GPC6: variants seen among roughly 807,000 people sequenced by gnomAD.
The protein encoded by GPC6 is glypican-6.
GPC6 carries 14 observed loss-of-function variants against 55.2 expected under a neutral mutation model. The observed-to-expected ratio is 0.25, with a 90% confidence interval of 0.17 to 0.40. The LOEUF is 0.40. Ranked by LOEUF, GPC6 falls within the 10% of genes least tolerant of loss-of-function variation. GPC6 has a pLI of 1.00. For synonymous variants in GPC6, 278 were observed against 259.6 expected, an observed-to-expected ratio of 1.07 and a Z score of -0.68; for missense variants, 641 against 708.5, an observed-to-expected ratio of 0.90 and a Z score of 1.08.
chr13:93,819,371 G>C (rs888691273), intron 2 of GPC6, among the ~76,000 whole-genome samples: 2 of 152,056 alleles, frequency 1.3e-5, no homozygotes, highest in Non-Finnish European at 2.9e-5. Flanking sequence ...TTTGTGAACA[G>C]GTTAATATAT....
chr13:93,342,770 G>A (rs1273598517), intron 1 of GPC6, among the ~76,000 whole-genome samples: 1 of 152,214 alleles, frequency 6.6e-6, no homozygotes, highest in Non-Finnish European at 1.5e-5. Flanking sequence ...ATTGCAGCAG[G>A]AAGAGAGGAA....
intron 1 of GPC6, among the ~76,000 whole-genome samples, chr13:93,287,200 A>C (rs1000992583): frequency 4.6e-5 from 7 of 152,204 alleles, no homozygotes; most frequent in African/African-American, 1.7e-4. Context: ...ATTTCAGATA[A>C]GGGGTGTTCA....
At chr13:93,950,733 C>T (rs1394455119) in intron 3 of GPC6, among the ~76,000 whole-genome samples, 2 of 152,104 alleles carry the variant, frequency 1.3e-5, no homozygotes, top group Non-Finnish European at 2.9e-5. Flanking sequence ...TCATCTGTGA[C>T]CTTCTCTTGC....
intron 1 of GPC6, among the ~76,000 whole-genome samples, chr13:93,231,369 A>ATGTG (rs1876024004): frequency 2.8e-4 from 5 of 17,896 alleles, no homozygotes; most frequent in African/African-American, 1.2e-3. Flanking sequence ...ACGTATATAT[A>ATGTG]TATATATATA....
At chr13:93,518,393 T>C (rs1161095785) in intron 1 of GPC6, among the ~76,000 whole-genome samples, 1 of 152,000 alleles carries the variant, frequency 6.6e-6, no homozygotes, top group Admixed American at 6.6e-5. Context: ...TCTCCACTTT[T>C]CCAATCTGTT....
rs189130106 is a variant in GPC6 at position 93,910,915 on chromosome 13, C to T, written c.711+80370C>T. ...GTACTGTAGATCACAGTTCTCATAA[C>T]AGAGAGCAATATATCAATTACCAGC... On this transcript the variant is annotated intron_variant, in intron 3 of 8. Transcript: ENST00000377047. 4.4e-4 allele frequency among the ~76,000 whole-genome samples: 67 copies of T among 152,296 alleles called. 1 individual carries two copies. In the Middle Eastern group the frequency reaches 0.01, roughly 23 times the overall value.
At chr13:94,064,739 C>T (rs1435766351) in intron 4 of GPC6, among the ~76,000 whole-genome samples, 3 of 152,078 alleles carry the variant, frequency 2.0e-5, no homozygotes, top group Non-Finnish European at 2.9e-5. Context: ...TAAAATCACC[C>T]CTTTTCAGCA....
At chr13:94,309,204 G>A (rs1463874870) in intron 6 of GPC6, among the ~76,000 whole-genome samples, 1 of 152,088 alleles carries the variant, frequency 6.6e-6, no homozygotes, top group Non-Finnish European at 1.5e-5. Context: ...TTCCAAGGAC[G>A]ATATCAAAAC....
chr13:93,985,807 A>G (rs1047095661), intron 3 of GPC6, among the ~76,000 whole-genome samples: 3 of 151,870 alleles, frequency 2.0e-5, no homozygotes, highest in South Asian at 2.1e-4. Flanking sequence ...GCAGACAGCC[A>G]TGCCAGGCTA....
At chr13:93,794,500 C>T (rs984502575) in intron 2 of GPC6, among the ~76,000 whole-genome samples, 1 of 152,162 alleles carries the variant, frequency 6.6e-6, no homozygotes, top group Non-Finnish European at 1.5e-5. Context: ...AATACACAAG[C>T]ATCAGCGCTA....
chr13:93,981,578 G>T lies in GPC6; in HGVS notation c.712-46151G>T, dbSNP rs550195498. 2.0e-5 allele frequency among the ~76,000 whole-genome samples: 3 copies of T among 152,248 alleles called. No individual in the cohort carries two copies. In the South Asian group the frequency reaches 6.2e-4, roughly 32 times the overall value. ...ATCGCTCTTTGCATAATTTTCTGGT[G>T]CTGAAACATGAGAAAAATCTGGCTG... On this transcript the variant is annotated intron_variant, in intron 3 of 8. Coordinates refer to ENST00000377047, the MANE Select transcript of GPC6 (RefSeq NM_005708.5).
intron 4 of GPC6, among the ~76,000 whole-genome samples, chr13:94,204,844 A>G (rs1889854868): frequency 6.6e-6 from 1 of 152,216 alleles, no homozygotes; most frequent in African/African-American, 2.4e-5. Flanking sequence ...TTCAATGTGT[A>G]TATTCAATGA....
intron 2 of GPC6, among the ~76,000 whole-genome samples, chr13:93,729,929 A>G (rs527623253): frequency 8.3e-4 from 126 of 152,326 alleles, no homozygotes; most frequent in African/African-American, 2.9e-3. Context: ...ACACTGAAGC[A>G]TCCATGCTGT....
At chr13:94,034,970 G>A (rs1175553227) in intron 4 of GPC6, among the ~76,000 whole-genome samples, 1 of 150,974 alleles carries the variant, frequency 6.6e-6, no homozygotes. Context: ...TACGACTTAT[G>A]CCTTATCAAG....
intron 1 of GPC6, among the ~76,000 whole-genome samples, chr13:93,457,788 A>G (rs573041200): frequency 6.6e-6 from 1 of 152,338 alleles, no homozygotes; most frequent in South Asian, 2.1e-4. Context: ...CAGAGATACT[A>G]ATGAGAAGGA....
rs1050259047 is a variant in GPC6, at chr13:93,504,896, T to A, written c.161-40367T>A. Among the ~76,000 whole-genome samples the A allele has an allele frequency of 2.0e-5, 3 of 152,268 alleles. No homozygotes were observed. In the East Asian group the frequency reaches 5.8e-4, roughly 29 times the overall value. On this transcript the variant is annotated intron_variant, in intron 1 of 8. Coordinates refer to ENST00000377047, the MANE Select transcript of GPC6 (RefSeq NM_005708.5). Reference sequence around the variant, plus strand: ...TTCCTGTTCATATTACTAGTAAATATATAGCCAGGTACAAGTCAAAGTTAT... The same window carrying A: ...TTCCTGTTCATATTACTAGTAAATAAATAGCCAGGTACAAGTCAAAGTTAT...
At chr13:93,466,124 C>T (rs1194231057) in intron 1 of GPC6, among the ~76,000 whole-genome samples, 1 of 151,460 alleles carries the variant, frequency 6.6e-6, no homozygotes, top group Non-Finnish European at 1.5e-5. Context: ...AACCAGAATG[C>T]GACACATAGG....
chr13:94,156,368 T>C (rs1268062578), intron 4 of GPC6, among the ~76,000 whole-genome samples: 1 of 152,126 alleles, frequency 6.6e-6, no homozygotes, highest in Admixed American at 6.6e-5. Flanking sequence ...TGGATATAGG[T>C]ATAGATATAG....
intron 1 of GPC6, among the ~76,000 whole-genome samples, chr13:93,522,027 C>T (rs575895098): frequency 7.3e-4 from 111 of 152,032 alleles, no homozygotes; most frequent in African/African-American, 2.6e-3. Context: ...TTCTATTGTG[C>T]TGTTTCATTT....
Sources: allele counts gnomAD v4.1 joint callset (sites outside exome capture counted in the v4.1 genomes callset), GRCh38; gene constraint gnomAD v4.1.1; transcripts MANE v1.5; gene names NCBI Gene and HGNC (gene_info 2026-07-23, HGNC 2026-07-21).